Variants in PCDH15 observed in about 807,000 individuals in gnomAD.
PCDH15 encodes protocadherin related 15.
In PCDH15, 129 loss-of-function variants were observed where a neutral mutation model predicts 178.5. That is an observed-to-expected ratio of 0.72 (90% CI 0.63 to 0.84). The LOEUF is 0.84. Among genes scored for constraint, PCDH15 ranks in the 40% least tolerant of loss-of-function variants. The pLI is 0.00. For synonymous variants in PCDH15, 800 were observed against 732.0 expected, an observed-to-expected ratio of 1.09 and a Z score of -1.50; for missense variants, 2,230 against 2,099.9, an observed-to-expected ratio of 1.06 and a Z score of -1.21.
At chr10:54,933,918 T>C (rs966140861) in intron 2 of PCDH15, among the ~76,000 whole-genome samples, 1 of 152,182 alleles carries the variant, frequency 6.6e-6, no homozygotes, top group African/African-American at 2.4e-5. Flanking sequence ...AAGGTTAGGC[T>C]GCTATTACTT....
chr10:55,489,167 C>G (rs1047159178), intron 2 of PCDH15, among the ~76,000 whole-genome samples: 2 of 151,244 alleles, frequency 1.3e-5, no homozygotes, highest in East Asian at 2.0e-4. Context: ...AAATAATTAC[C>G]TACAGAGGCA....
intron 30 of PCDH15, among the ~76,000 whole-genome samples, chr10:53,829,830 G>A (rs1006510896): frequency 6.6e-6 from 1 of 152,018 alleles, no homozygotes; most frequent in African/African-American, 2.4e-5. Flanking sequence ...AGAATTGGAA[G>A]GTCCTACTTC....
At chr10:55,039,967 G>A (rs1425205624) in intron 2 of PCDH15, among the ~76,000 whole-genome samples, 1 of 151,854 alleles carries the variant, frequency 6.6e-6, no homozygotes, top group Non-Finnish European at 1.5e-5. Flanking sequence ...CCCATATGGT[G>A]GAAAAGGAGT....
chr10:55,284,441 A>G (rs1161288844), intron 1 of PCDH15, among the ~76,000 whole-genome samples: 1 of 152,148 alleles, frequency 6.6e-6, no homozygotes, highest in South Asian at 2.1e-4. Flanking sequence ...GAGGGTATGT[A>G]TCACTCAGAA....
At chr10:54,190,177 C>A (rs10825265) in intron 11 of PCDH15, among the ~76,000 whole-genome samples, 108,799 of 151,892 alleles carry the variant, frequency 0.72, 39,913 homozygotes, top group East Asian at 0.98. Context: ...TTAAATTTTA[C>A]GCAAATGGAT....
At position 54,655,256 on chromosome 10, in the gene PCDH15, A is replaced by AAGAGAGAGAGAGAG. The variant is rs1173377441; in HGVS notation, c.91+8902_91+8915dup. On this transcript the variant is annotated intron_variant, in intron 2 of 37. Transcript: ENST00000644397. ...AGGAAGGGAAAGAAAGAAAGAAAGAAAGAGAGAGAGAGAGAGAGAGAGAGA... is the reference window on the plus strand; with the variant it reads ...AGGAAGGGAAAGAAAGAAAGAAAGAAAGAGAGAGAGAGAGAGAGAGAGAGAGAGAGAGAGAGAGA... Among the ~76,000 whole-genome samples the AAGAGAGAGAGAGAG allele has an allele frequency of 9.6e-3, 469 of 48,662 alleles. 21 individuals are homozygous for AAGAGAGAGAGAGAG. Among genetic ancestry groups the AAGAGAGAGAGAGAG allele is most frequent in the South Asian group, 0.016 (18 of 1,108 alleles). 31.9% of individuals were successfully genotyped at this position (48,662 alleles called of 152,430 possible).
intron 2 of PCDH15, among the ~76,000 whole-genome samples, chr10:55,080,042 T>C (rs963370293): frequency 5.9e-5 from 9 of 151,960 alleles, no homozygotes; most frequent in Admixed American, 1.3e-4. Context: ...AGTCCTGCTA[T>C]TTGTGTTGGT....
At chr10:55,310,995 C>G (rs1298684364) in intron 1 of PCDH15, among the ~76,000 whole-genome samples, 1 of 152,114 alleles carries the variant, frequency 6.6e-6, no homozygotes, top group Non-Finnish European at 1.5e-5. Context: ...GCACATGTAT[C>G]ACAAAACTTA....
chr10:54,349,190 T>G (rs1431721242), intron 5 of PCDH15, among the ~76,000 whole-genome samples: 2 of 152,284 alleles, frequency 1.3e-5, no homozygotes, highest in Admixed American at 6.5e-5. Flanking sequence ...GCCCATGCCT[T>G]TCAATCTGCT....
chr10:54,319,681 TAATTTTTAAAA>T (rs2061473894), intron 7 of PCDH15, among the ~76,000 whole-genome samples: 1 of 151,844 alleles, frequency 6.6e-6, no homozygotes, highest in South Asian at 2.1e-4. Context: ...TTATGTTAAA[TAATTTTTAAAA>T]GTAATTATAC....
At chr10:54,587,423 GAAC>G (rs1313051315) in intron 2 of PCDH15, among the ~76,000 whole-genome samples, 11 of 151,946 alleles carry the variant, frequency 7.2e-5, no homozygotes, top group Non-Finnish European at 1.5e-5. Context: ...TTTGCAGCCA[GAAC>G]AACTTAGTGC....
intron 1 of PCDH15, among the ~76,000 whole-genome samples, chr10:54,687,933 A>G (rs778559286): frequency 4.6e-5 from 7 of 152,156 alleles, no homozygotes; most frequent in African/African-American, 1.4e-4. Context: ...CAGTCAAGCC[A>G]GGTAAAAAAG....
At chr10:55,199,716 G>T (rs1199544825) in intron 1 of PCDH15, among the ~76,000 whole-genome samples, 1 of 152,072 alleles carries the variant, frequency 6.6e-6, no homozygotes, top group Non-Finnish European at 1.5e-5. Flanking sequence ...TCCAGGCCCA[G>T]GGACTTGCTG....
intron 2 of PCDH15, among the ~76,000 whole-genome samples, chr10:55,621,845 A>C (rs1837398355): frequency 6.6e-6 from 1 of 151,114 alleles, no homozygotes; most frequent in South Asian, 2.1e-4. Flanking sequence ...AAAAACTCTA[A>C]CATCATATGT....
intron 32 of PCDH15, chr10:53,823,369 A>AAGAAGATAATGAAATGTAAGGAAACAAG (rs1346892505): frequency 6.2e-7 from 1 of 1,609,268 alleles, no homozygotes; most frequent in South Asian, 1.1e-5. Context: ...CTTGAAAGAA[A>AAGAAGATAATGAAATGTAAGGAAACAAG]AGAAGATAAT....
chr10:54,663,631 GAAATCAAATACC>G (rs1332968524), intron 2 of PCDH15, among the ~76,000 whole-genome samples: 2 of 150,086 alleles, frequency 1.3e-5, no homozygotes, highest in South Asian at 2.1e-4. Context: ...GAAAGCTTAA[GAAATCAAATACC>G]AAATCAAATA....
At chr10:55,284,573 T>TC (rs1319880634) in intron 1 of PCDH15, among the ~76,000 whole-genome samples, 1 of 151,692 alleles carries the variant, frequency 6.6e-6, no homozygotes, top group Non-Finnish European at 1.5e-5. Flanking sequence ...CATATTATTT[T>TC]TTCTATTTTT....
intron 2 of PCDH15, among the ~76,000 whole-genome samples, chr10:55,621,245 T>G (rs1471314737): frequency 2.0e-5 from 3 of 152,194 alleles, no homozygotes; most frequent in Non-Finnish European, 4.4e-5. Context: ...AACATGTCTA[T>G]TTGTTAGTTG....
At chr10:54,617,779 AGTCAGGCATAGTGGC>A (rs2093221197) in intron 2 of PCDH15, among the ~76,000 whole-genome samples, 1 of 143,148 alleles carries the variant, frequency 7.0e-6, no homozygotes, top group Non-Finnish European at 1.6e-5. Context: ...AAAAAAAATT[AGTCAGGCATAGTGGC>A]GGGCACCTAT....
Sources: gnomAD v4.1 joint callset for allele counts (sites outside exome capture counted in the v4.1 genomes callset) on GRCh38, gnomAD v4.1.1 for gene constraint, MANE v1.5 for transcripts, NCBI Gene and HGNC (gene_info 2026-07-23, HGNC 2026-07-21) for gene names.